TXNDC12: variants seen among roughly 807,000 people sequenced by gnomAD.
TXNDC12 encodes the protein thioredoxin domain-containing protein 12.
A neutral mutation model predicts 24.2 loss-of-function variants in TXNDC12; 22 were observed. That is an observed-to-expected ratio of 0.91 (90% confidence interval 0.65 to 1.30). The LOEUF is 1.30. Ranked by LOEUF, TXNDC12 falls within the 50% of genes most tolerant of loss-of-function variation. The probability of loss-of-function intolerance (pLI) is 0.00; values close to 1 mark genes in which losing one functional copy is unlikely to be tolerated. For missense variants in TXNDC12, 184 were observed against 205.8 expected, an observed-to-expected ratio of 0.89 and a Z score of 0.65; for synonymous variants, 58 against 73.4, an observed-to-expected ratio of 0.79 and a Z score of 1.07.
At chr1:52,037,741 G>A (rs1029253273) in intron 2 of TXNDC12, among the ~76,000 whole-genome samples, 9 of 152,044 alleles carry the variant, frequency 5.9e-5, no homozygotes, top group African/African-American at 1.9e-4. Context: ...TTTGCTCTTC[G>A]AGGCTGGAGG....
At chr1:52,039,898 C>A (rs1241397475) in intron 2 of TXNDC12, among the ~76,000 whole-genome samples, 1 of 151,904 alleles carries the variant, frequency 6.6e-6, no homozygotes, top group African/African-American at 2.4e-5. Flanking sequence ...TGTTTGTGTG[C>A]AGAAGTTTTT....
rs79478658 is a variant in TXNDC12 at position 52,055,069 on chromosome 1, T to A, written c.28A>T (p.Thr10Ser). ...AGGAAACTGAAGCCCAGCAAACAGG[T>A]GGCCCCGAGACGAGGCCGCGTCTCC... METRPRLGATCLLGFSFLLL... is the reference protein window; with the variant it reads METRPRLGASCLLGFSFLLL... Residue 10 changes from threonine to serine, a missense_variant, in exon 1 of 7, where the codon ACC becomes TCC. Physicochemically the swap from Thr to Ser is moderately conservative, Grantham distance 58 (BLOSUM62 1). Transcript: ENST00000371626. The A allele has an allele frequency of 2.0e-3, 3,228 of 1,613,968 alleles. 74 individuals are homozygous for A. In the African/African-American group the frequency reaches 0.038, roughly 19 times the overall value.
At chr1:52,033,007 C>T (rs749487996) in intron 2 of TXNDC12, 3 of 1,560,442 alleles carry the variant, frequency 1.9e-6, no homozygotes, top group African/African-American at 1.4e-5. Context: ...TGGTGGGGCC[C>T]GGTTCTCAAA....
At chr1:52,027,399 T>A in intron 3 of TXNDC12, 51 bp from the exon 4 acceptor site, 1 of 1,317,644 alleles carries the variant, frequency 7.6e-7, no homozygotes, top group Non-Finnish European at 1.1e-6. Context: ...TTGTCACAAC[T>A]AAACCTTAAC....
intron 3 of TXNDC12, among the ~76,000 whole-genome samples, chr1:52,027,733 T>C (rs190839441): frequency 1.3e-4 from 19 of 149,140 alleles, no homozygotes; most frequent in Admixed American, 1.2e-3. Flanking sequence ...TATGTGTGTA[T>C]ATATGTTATA....
chr1:52,033,721 T>G, intron 2 of TXNDC12: 4 of 1,610,302 alleles, frequency 2.5e-6, no homozygotes, highest in Non-Finnish European at 3.4e-6. Context: ...ACGCCGGCTC[T>G]TGCCGCTGTA....
chr1:52,040,161 G>A (rs1047371648), intron 2 of TXNDC12, among the ~76,000 whole-genome samples: 7 of 152,014 alleles, frequency 4.6e-5, no homozygotes, highest in South Asian at 2.1e-4. Context: ...TTGAACTCCC[G>A]ACCTCAGGTA....
chr1:52,021,340 CCT>C (rs1388011289), intron 6 of TXNDC12, among the ~76,000 whole-genome samples: 1 of 151,960 alleles, frequency 6.6e-6, no homozygotes, highest in African/African-American at 2.4e-5. Context: ...GAGCTGATCC[CCT>C]GTCCTAGACT....
intron 1 of TXNDC12, among the ~76,000 whole-genome samples, chr1:52,045,737 A>G (rs1686079069): frequency 6.6e-6 from 1 of 152,232 alleles, no homozygotes; most frequent in South Asian, 2.1e-4. Flanking sequence ...ATAATAATGT[A>G]TCAATATTGG....
chr1:52,040,430 G>A (rs1685963662), intron 2 of TXNDC12, among the ~76,000 whole-genome samples: 1 of 151,970 alleles, frequency 6.6e-6, no homozygotes, highest in Non-Finnish European at 1.5e-5. Context: ...CAAGTGATCT[G>A]CCCGCCTCAA....
Position 52,028,595 on chromosome 1 carries a change from C to A in TXNDC12, c.194G>T (p.Trp65Leu). Residue 65 changes from tryptophan (W) to leucine (L), a missense_variant, in exon 3 of 7, where the codon TGG becomes TTG. Transcript: ENST00000371626. ...GCACTTACCTTTGCAAGCTCCACAC[C>A]AGGATTTATGAATAATCACCATCAG... ...LPLMVIIHKS[W>L]CGACKALKPK... The A allele has an allele frequency of 6.2e-7, 1 of 1,612,674 alleles. No homozygotes were observed. Among genetic ancestry groups the A allele is most frequent in the Non-Finnish European group, 8.5e-7 (1 of 1,179,634 alleles).
At chr1:52,022,732 T>C (rs1394440093) in intron 6 of TXNDC12, among the ~76,000 whole-genome samples, 2 of 146,096 alleles carry the variant, frequency 1.4e-5, no homozygotes, top group Non-Finnish European at 3.0e-5. Context: ...CCTCTGCCTC[T>C]CGGGTTCACG....
chr1:52,052,465 T>C (rs1686231540), intron 1 of TXNDC12: 1 of 169,582 alleles, frequency 5.9e-6, no homozygotes. Flanking sequence ...ATGCCATGCA[T>C]TTCCACCTTG....
chr1:52,050,299 T>C (rs1477116338), intron 1 of TXNDC12, among the ~76,000 whole-genome samples: 1 of 152,142 alleles, frequency 6.6e-6, no homozygotes, highest in African/African-American at 2.4e-5. Flanking sequence ...CCACTAACAC[T>C]CCCACCTGTG....
In TXNDC12 at chr1:52,051,404, A is replaced by G. The variant is rs374150546; in HGVS notation, c.97+3596T>C. On this transcript the variant is annotated intron_variant, in intron 1 of 6. Transcript: ENST00000371626. Reference sequence around the variant, plus strand: ...TTATTTATTTTTTTTGAGACAGAGTATCACTCTGTTGCCCAGGCTGGAGTG... The same window carrying G: ...TTATTTATTTTTTTTGAGACAGAGTGTCACTCTGTTGCCCAGGCTGGAGTG... Among the ~76,000 whole-genome samples, 20 of 152,122 alleles carry G rather than the reference A, an allele frequency of 1.3e-4. No homozygotes were observed. In the East Asian group the frequency reaches 2.3e-3, roughly 18 times the overall value.
rs144126904 is a variant in TXNDC12 at position 52,051,323 on chromosome 1, G to A, written c.97+3677C>T. 3.0e-3 allele frequency among the ~76,000 whole-genome samples: 451 copies of A among 152,272 alleles called. 1 individual carries two copies. Among genetic ancestry groups the A allele is most frequent in the Non-Finnish European group, 4.5e-3 (303 of 68,016 alleles). On this transcript the variant is annotated intron_variant, in intron 1 of 6. Transcript: ENST00000371626. ...TTCTCATTGATTAATTGGTTGTCAC[G>A]TAGGACCAGAACTAAATGGCCTGAT...
intron 6 of TXNDC12, among the ~76,000 whole-genome samples, chr1:52,021,820 T>C (rs542335675): frequency 6.6e-6 from 1 of 152,264 alleles, no homozygotes; most frequent in East Asian, 1.9e-4. Context: ...ATAATACAGT[T>C]TGTTATTTCT....
At chr1:52,046,770 C>A (rs1365408399) in intron 1 of TXNDC12, among the ~76,000 whole-genome samples, 1 of 151,216 alleles carries the variant, frequency 6.6e-6, no homozygotes, top group Non-Finnish European at 1.5e-5. Flanking sequence ...GTAATCCCAG[C>A]ACTTTGGGAG....
chr1:52,033,520 A>T (rs143172190), intron 2 of TXNDC12: 1 of 1,613,984 alleles, frequency 6.2e-7, no homozygotes, highest in Non-Finnish European at 8.5e-7. Context: ...GATGTAGTTA[A>T]GCGAGTCCAG....
Sources: gnomAD v4.1 joint callset for allele counts (sites outside exome capture counted in the v4.1 genomes callset) on GRCh38, gnomAD v4.1.1 for gene constraint, MANE v1.5 for transcripts, NCBI Gene and HGNC (gene_info 2026-07-23, HGNC 2026-07-21) for gene names.